RAI14: variants seen among roughly 807,000 people sequenced by gnomAD.
The protein encoded by RAI14 is retinoic acid induced 14.
In RAI14, 45 loss-of-function variants were observed where a neutral mutation model predicts 115.4. The observed-to-expected ratio is 0.39, with a 90% CI of 0.31 to 0.50. RAI14 has a LOEUF of 0.50. Ranked by LOEUF, RAI14 falls within the 20% of genes least tolerant of loss-of-function variation. RAI14 has a pLI of 0.85. For synonymous variants in RAI14, 371 were observed against 415.4 expected (o/e 0.89, Z 1.30); for missense variants, 939 against 1,131.2 (o/e 0.83, Z 2.44).
chr5:34,752,747 GTGTA>G lies in RAI14; in HGVS notation c.37-4719_37-4716del, dbSNP rs1263154395. On this transcript the variant is annotated intron_variant, in intron 2 of 17. Coordinates refer to ENST00000265109, the MANE Select transcript of RAI14 (RefSeq NM_015577.3). ...TGTGTGTGTGTGTGTGTGTGTGTGT[GTGTA>G]TATATATATATATATGTATCTTTTC... 6.5e-4 allele frequency among the ~76,000 whole-genome samples: 71 copies of G among 109,560 alleles called. 5 individuals are homozygous for G. The highest frequency in any genetic ancestry group is 2.3e-3 in the South Asian group (8 of 3,456). The allele number at this position is 109,560 out of a possible 152,430, so 71.9% of individuals were successfully genotyped here. A position where few individuals can be genotyped will look rare whatever the true frequency, so the allele number is the denominator to read the frequency against.
At chr5:34,742,261 T>C (rs1161677603) in intron 2 of RAI14, among the ~76,000 whole-genome samples, 1 of 152,206 alleles carries the variant, frequency 6.6e-6, no homozygotes, top group Non-Finnish European at 1.5e-5. Context: ...CCCATTGGCA[T>C]GTATTAAGTC....
intron 1 of RAI14, among the ~76,000 whole-genome samples, chr5:34,668,565 T>C (rs1386955327): frequency 6.6e-6 from 1 of 152,194 alleles, no homozygotes; most frequent in Admixed American, 6.5e-5. Flanking sequence ...ATTCAAATGC[T>C]CTCACAACCT....
intron 3 of RAI14, among the ~76,000 whole-genome samples, chr5:34,792,486 G>A (rs892226051): frequency 7.9e-5 from 12 of 152,062 alleles, no homozygotes; most frequent in African/African-American, 2.9e-4. Flanking sequence ...CGCCCACCTC[G>A]GCCTCCCAAA....
intron 7 of RAI14, among the ~76,000 whole-genome samples, chr5:34,810,530 T>C (rs914350323): frequency 1.3e-5 from 2 of 152,204 alleles, no homozygotes; most frequent in Admixed American, 6.5e-5. Flanking sequence ...TTTTGATACA[T>C]AGCAAGATTA....
intron 2 of RAI14, among the ~76,000 whole-genome samples, chr5:34,753,650 T>A (rs1747447409): frequency 6.6e-6 from 1 of 151,704 alleles, no homozygotes; most frequent in Admixed American, 6.6e-5. Context: ...GTATTGTGAG[T>A]CACACCTATA....
intron 3 of RAI14, among the ~76,000 whole-genome samples, chr5:34,778,524 A>C (rs946123432): frequency 2.0e-5 from 3 of 152,174 alleles, no homozygotes; most frequent in Non-Finnish European, 2.9e-5. Context: ...TATCCCAGGT[A>C]GTGACCAGCA....
chr5:34,735,580 C>A (rs1189850926), intron 2 of RAI14, among the ~76,000 whole-genome samples: 1 of 152,204 alleles, frequency 6.6e-6, no homozygotes, highest in Non-Finnish European at 1.5e-5. Context: ...GCCTTTCTTA[C>A]AACATAAATC....
intron 3 of RAI14, among the ~76,000 whole-genome samples, chr5:34,769,111 A>G (rs3845172): frequency 0.31 from 47,393 of 151,894 alleles, 7,934 homozygotes; most frequent in Middle Eastern, 0.41. Context: ...AGCACATCAC[A>G]GGCACTTAAA....
At chr5:34,762,403 G>A (rs1219872455) in intron 3 of RAI14, among the ~76,000 whole-genome samples, 1 of 152,020 alleles carries the variant, frequency 6.6e-6, no homozygotes, top group Non-Finnish European at 1.5e-5. Context: ...CATAACCCAA[G>A]GTCAATAACC....
Position 34,775,623 on chromosome 5 carries a change from C to T in RAI14, c.167+18025C>T, listed in dbSNP as rs370146809. Reference sequence around the variant, plus strand: ...ATCTGAACCGACACTTCCCAAAAGACATACAAATGGCAAACAGGTGTACGA... The same window carrying T: ...ATCTGAACCGACACTTCCCAAAAGATATACAAATGGCAAACAGGTGTACGA... On this transcript the variant is annotated intron_variant, in intron 3 of 17. Transcript: ENST00000265109. 6.2e-4 allele frequency among the ~76,000 whole-genome samples: 94 copies of T among 152,244 alleles called. 1 individual carries two copies. In the East Asian group the frequency reaches 0.01, roughly 17 times the overall value.
At chr5:34,774,307 G>A (rs1049120484) in intron 3 of RAI14, among the ~76,000 whole-genome samples, 2 of 152,058 alleles carry the variant, frequency 1.3e-5, no homozygotes, top group Admixed American at 1.3e-4. Flanking sequence ...AGAGGCAGAG[G>A]TTGCAGTGAG....
chr5:34,692,382 T>C (rs1457995520), intron 2 of RAI14, among the ~76,000 whole-genome samples: 1 of 151,870 alleles, frequency 6.6e-6, no homozygotes, highest in African/African-American at 2.4e-5. Context: ...AATTGCTCAC[T>C]CCTCCTTTCG....
At chr5:34,817,423 T>A (rs1170730830) in intron 12 of RAI14, among the ~76,000 whole-genome samples, 1 of 152,210 alleles carries the variant, frequency 6.6e-6, no homozygotes, top group Non-Finnish European at 1.5e-5. Context: ...TATTACCAGT[T>A]TGGAAAGCTG....
At chr5:34,674,006 C>A (rs1024730814) in intron 1 of RAI14, among the ~76,000 whole-genome samples, 71 of 152,108 alleles carry the variant, frequency 4.7e-4, no homozygotes, top group African/African-American at 1.6e-3. Flanking sequence ...TTGATCAGAC[C>A]ACTTATGGAT....
At chr5:34,687,948 G>T in intron 2 of RAI14, 1 of 990,682 alleles carries the variant, frequency 1.0e-6, no homozygotes, top group Non-Finnish European at 1.5e-6. Flanking sequence ...GTAACTTACT[G>T]CCCTGATAAA....
chr5:34,771,964 G>A (rs928705287), intron 3 of RAI14, among the ~76,000 whole-genome samples: 4 of 152,044 alleles, frequency 2.6e-5, no homozygotes, highest in Non-Finnish European at 4.4e-5. Flanking sequence ...GCAGTGGCAC[G>A]ATCATAGCTC....
At chr5:34,736,705 A>T (rs575598951) in intron 2 of RAI14, among the ~76,000 whole-genome samples, 1 of 152,284 alleles carries the variant, frequency 6.6e-6, no homozygotes, top group Non-Finnish European at 1.5e-5. Flanking sequence ...GCCCAGCCAG[A>T]ATGTGGGTTT....
intron 15 of RAI14, among the ~76,000 whole-genome samples, chr5:34,824,946 CAAAAA>C (rs1174399473): frequency 3.0e-5 from 2 of 66,562 alleles, no homozygotes; most frequent in Admixed American, 3.7e-4. Context: ...GACTTCATCT[CAAAAA>C]AAAAAAAAAA....
chr5:34,736,735 T>G (rs1355789251), intron 2 of RAI14, among the ~76,000 whole-genome samples: 1 of 152,126 alleles, frequency 6.6e-6, no homozygotes, highest in Non-Finnish European at 1.5e-5. Context: ...GAGATAACAG[T>G]GAGAAAAAAC....
Sources: gnomAD v4.1 joint callset for allele counts (sites outside exome capture counted in the v4.1 genomes callset) on GRCh38, gnomAD v4.1.1 for gene constraint, MANE v1.5 for transcripts, NCBI Gene and HGNC (gene_info 2026-07-23, HGNC 2026-07-21) for gene names.